GATA3: variants seen among roughly 807,000 people sequenced by gnomAD.
GATA3 encodes trans-acting T-cell-specific transcription factor GATA-3.
GATA3 carries 6 observed loss-of-function variants against 36.0 expected under a neutral mutation model. The observed-to-expected ratio is 0.17, with a 90% CI of 0.09 to 0.33. The LOEUF (loss-of-function observed/expected upper bound fraction) is 0.33. Among genes scored for constraint, GATA3 ranks in the 10% least tolerant of loss-of-function variants. The probability of loss-of-function intolerance (pLI) is 1.00; values close to 1 mark genes in which losing one functional copy is unlikely to be tolerated. For missense variants in GATA3, 514 were observed against 610.1 expected, an observed-to-expected ratio of 0.84 and a Z score of 1.66; for synonymous variants, 326 against 273.0, an observed-to-expected ratio of 1.19 and a Z score of -1.92.
intron 4 of GATA3, among the ~76,000 whole-genome samples, chr10:8,066,792 C>T (rs1218979494): frequency 1.3e-5 from 2 of 152,158 alleles, no homozygotes; most frequent in Non-Finnish European, 2.9e-5. Flanking sequence ...GCTAGTGACC[C>T]AAACAGTGTG....
At chr10:8,051,430 AG>A (rs1832490382), upstream of GATA3, 1 of 206,460 alleles carries the variant, frequency 4.8e-6, no homozygotes, top group Non-Finnish European at 1.0e-5. Context: ...CTTGCTCCCA[AG>A]GTCCCAGGCG....
upstream of GATA3, among the ~76,000 whole-genome samples, chr10:8,050,136 G>C (rs1277474867): frequency 6.6e-6 from 1 of 152,224 alleles, no homozygotes; most frequent in African/African-American, 2.4e-5. Flanking sequence ...GCCTCCCCAA[G>C]CGGACCCTCC....
upstream of GATA3, chr10:8,050,842 C>T: frequency 2.5e-6 from 1 of 407,320 alleles, no homozygotes; most frequent in Non-Finnish European, 5.0e-6. Context: ...ACGCTCTCTC[C>T]CCCTCCGCGG....
intron 3 of GATA3, among the ~76,000 whole-genome samples, chr10:8,063,092 T>G (rs1832776520): frequency 1.3e-5 from 2 of 152,184 alleles, no homozygotes. Context: ...TTTGTTTGTT[T>G]GTGTTTTTGG....
chr10:8,046,449 G>A (rs952604424), intron 1 of GATA3, among the ~76,000 whole-genome samples: 2 of 152,190 alleles, frequency 1.3e-5, no homozygotes, highest in Non-Finnish European at 2.9e-5. Flanking sequence ...ATGCTCACCA[G>A]GATGCTGGGG....
At chr10:8,064,293 C>T (rs1013850088) in intron 4 of GATA3, among the ~76,000 whole-genome samples, 155 bp downstream of exon 4, 19 of 81,498 alleles carry the variant, frequency 2.3e-4, no homozygotes, top group South Asian at 6.3e-4. Flanking sequence ...CTTTTTCTTT[C>T]TTTCTTTTCT....
chr10:8,064,839 G>T (rs1404534735), intron 4 of GATA3, among the ~76,000 whole-genome samples: 1 of 152,196 alleles, frequency 6.6e-6, no homozygotes, highest in African/African-American at 2.4e-5. Context: ...TACCAGTAAG[G>T]TGATAGTTTT....
At position 8,055,837 on chromosome 10, in the gene GATA3, C is replaced by A. The variant is rs1832625170; in HGVS notation, c.182C>A (p.Pro61Gln). The A allele has an allele frequency of 6.3e-7, 1 of 1,583,942 alleles. No homozygotes were observed. The highest frequency in any genetic ancestry group is 8.6e-7 in the Non-Finnish European group (1 of 1,164,838). Residue 61 changes from proline (P) to glutamine (Q), a missense_variant, in exon 2 of 6, where the codon CCG becomes CAG. Pro to Gln is a moderately conservative substitution (Grantham distance 76). This residue lies in a region of GATA3 where 381 missense variants were observed against 354.3 expected (regional missense o/e 1.08). Transcript: ENST00000379328. This position sits in a 1 kb window ranked among gnomAD's most constrained non-coding sequence, Gnocchi z 5.4. ...ATCGACGGTCAAGGCAACCACGTCC[C>A]GCCCTACTACGGAAACTCGGTCAGG... ...FNIDGQGNHVPPYYGNSVRAT... is the reference protein window; with the variant it reads ...FNIDGQGNHVQPYYGNSVRAT...
chr10:8,057,559 G>A (rs34316757), intron 2 of GATA3, among the ~76,000 whole-genome samples: 1 of 152,168 alleles, frequency 6.6e-6, no homozygotes, highest in Non-Finnish European at 1.5e-5. Context: ...TTGGGAGGGT[G>A]AGAAAAGCAG....
intron 4 of GATA3, 39 bp from the exon 5 acceptor site, chr10:8,069,434 T>C (rs768499571): frequency 6.3e-7 from 1 of 1,599,156 alleles, no homozygotes; most frequent in African/African-American, 1.3e-5. Flanking sequence ...CATTTAACAT[T>C]TGTTTTGATT....
intron 4 of GATA3, among the ~76,000 whole-genome samples, chr10:8,065,957 C>T (rs1402330540): frequency 2.2e-5 from 2 of 90,306 alleles, no homozygotes; most frequent in Non-Finnish European, 4.0e-5. Flanking sequence ...AAAACCTGGC[C>T]TTAGTAAAAA....
intron 4 of GATA3, among the ~76,000 whole-genome samples, chr10:8,068,474 G>C (rs563939967): frequency 6.6e-6 from 1 of 152,204 alleles, no homozygotes; most frequent in Non-Finnish European, 1.5e-5. Context: ...TGAAAGCACA[G>C]ACTGTGGTGG....
rs1279388351 is a variant in GATA3 at position 8,058,732 on chromosome 10, G to A, written c.669G>A (p.Pro223=). The change falls in exon 3 of 6, where the codon CCG becomes CCA. Residue 223 remains proline (P), a synonymous_variant. Coordinates refer to ENST00000379328, the MANE Select transcript of GATA3 (RefSeq NM_001002295.2). The part of the protein sequence containing the change: ...SSTHHPITTY[P]PYVPEYSSGL... ...CCCACCACCCCATCACCACCTACCCGCCCTACGTGCCCGAGTACAGCTCCG... is the reference window on the plus strand; with the variant it reads ...CCCACCACCCCATCACCACCTACCCACCCTACGTGCCCGAGTACAGCTCCG... The A allele has an allele frequency of 9.6e-5, 154 of 1,611,936 alleles. No individual in the cohort carries two copies. The highest frequency in any genetic ancestry group is 1.2e-4 in the Non-Finnish European group (147 of 1,179,870).
At chr10:8,061,096 A>T (rs477771) in intron 3 of GATA3, among the ~76,000 whole-genome samples, 4 of 139,122 alleles carry the variant, frequency 2.9e-5, no homozygotes, top group South Asian at 2.2e-4. Context: ...TCTCTTTTTT[A>T]CCCCTTTAAC....
intron 2 of GATA3, 66 bp from the exon 3 acceptor site, chr10:8,058,239 C>A: frequency 6.4e-7 from 1 of 1,561,812 alleles, no homozygotes; most frequent in Non-Finnish European, 8.8e-7. Context: ...CCAGGTGTCC[C>A]TGACGGCCTC....
At chr10:8,071,017 C>G (rs1486279849) in intron 5 of GATA3, among the ~76,000 whole-genome samples, 1 of 152,120 alleles carries the variant, frequency 6.6e-6, no homozygotes, top group East Asian at 1.9e-4. Context: ...AGGTTATTAG[C>G]ATTAGGGTTT....
chr10:8,048,008 T>C (rs1337580753), intron 1 of GATA3, among the ~76,000 whole-genome samples: 1 of 152,154 alleles, frequency 6.6e-6, no homozygotes, highest in Non-Finnish European at 1.5e-5. Context: ...AAGATCTGAA[T>C]GGAGTCCCCC....
chr10:8,056,345 G>C (rs1365032351), intron 2 of GATA3, among the ~76,000 whole-genome samples: 1 of 152,212 alleles, frequency 6.6e-6, no homozygotes, highest in Non-Finnish European at 1.5e-5. Flanking sequence ...TTACCCGCTA[G>C]CTCTTTCTAG....
chr10:8,062,304 C>G (rs1340757249), intron 3 of GATA3, among the ~76,000 whole-genome samples: 4 of 151,286 alleles, frequency 2.6e-5, no homozygotes, highest in Non-Finnish European at 4.4e-5. Flanking sequence ...TCTGGGGACC[C>G]TAGGCTAAGA....
Sources: gnomAD v4.1 joint callset for allele counts (sites outside exome capture counted in the v4.1 genomes callset) on GRCh38, gnomAD v4.1.1 for gene constraint, gnomAD v4.1.1 regional missense constraint, Gnocchi (gnomAD v3.1) non-coding constraint, MANE v1.5 for transcripts, NCBI Gene and HGNC (gene_info 2026-07-23, HGNC 2026-07-21) for gene names.